The following SRGAP1 variants were observed in gnomAD, a reference collection of about 807,000 sequenced individuals.
The protein encoded by SRGAP1 is SLIT-ROBO Rho GTPase activating protein 1.
SRGAP1 carries 43 observed loss-of-function variants against 121.9 expected under a neutral mutation model. The ratio of observed to expected loss-of-function variants is 0.35; its 90% CI spans 0.28 to 0.46. The LOEUF is 0.46. Among genes scored for constraint, SRGAP1 ranks in the 20% least tolerant of loss-of-function variants. SRGAP1 has a pLI of 1.00. For missense variants in SRGAP1, 1,102 were observed against 1,350.9 expected, an observed-to-expected ratio of 0.82 and a Z score of 2.89; for synonymous variants, 447 against 485.4, an observed-to-expected ratio of 0.92 and a Z score of 1.04.
intron 1 of SRGAP1, among the ~76,000 whole-genome samples, chr12:63,915,241 G>A (rs2030722171): frequency 6.6e-6 from 1 of 152,170 alleles, no homozygotes; most frequent in African/African-American, 2.4e-5. Context: ...AATCAGGTTG[G>A]ACATTTTTAT....
intron 3 of SRGAP1, among the ~76,000 whole-genome samples, chr12:64,000,273 T>TGTGTGG (rs2033842246): frequency 6.8e-6 from 1 of 147,084 alleles, no homozygotes; most frequent in Non-Finnish European, 1.5e-5. Flanking sequence ...TGTGTGTGTG[T>TGTGTGG]GTAAAAAAAA....
At chr12:64,018,791 A>T (rs750969549) in intron 4 of SRGAP1, among the ~76,000 whole-genome samples, 79 of 152,294 alleles carry the variant, frequency 5.2e-4, no homozygotes, top group Non-Finnish European at 9.4e-4. Context: ...ATAAAGGCCA[A>T]TTTCTAGCTC....
chr12:64,121,068 C>T (rs185701492), intron 18 of SRGAP1, among the ~76,000 whole-genome samples: 83 of 142,870 alleles, frequency 5.8e-4, no homozygotes, highest in Non-Finnish European at 9.2e-4. Flanking sequence ...GGCTGGAGTA[C>T]AGTGGCACAA....
intron 1 of SRGAP1, among the ~76,000 whole-genome samples, chr12:63,917,831 G>T (rs2030858395): frequency 6.7e-6 from 1 of 149,390 alleles, no homozygotes; most frequent in African/African-American, 2.4e-5. Flanking sequence ...AATTTCCCAC[G>T]CTAGCTGTGA....
At chr12:64,031,345 A>T (rs2034775645) in intron 4 of SRGAP1, among the ~76,000 whole-genome samples, 1 of 150,962 alleles carries the variant, frequency 6.6e-6, no homozygotes. Flanking sequence ...AATAGCTGCC[A>T]TCTACCCTGA....
intron 9 of SRGAP1, among the ~76,000 whole-genome samples, chr12:64,079,960 A>T (rs1301919646): frequency 6.6e-6 from 1 of 152,114 alleles, no homozygotes; most frequent in Non-Finnish European, 1.5e-5. Context: ...ATTAAAAATT[A>T]GGCTGGGTGC....
At chr12:64,010,727 A>G (rs1315918276) in intron 3 of SRGAP1, among the ~76,000 whole-genome samples, 5 of 152,074 alleles carry the variant, frequency 3.3e-5, no homozygotes, top group African/African-American at 9.7e-5. Flanking sequence ...CAAGTGTGTA[A>G]TAAGGACCAT....
At position 64,126,488 on chromosome 12, in the gene SRGAP1, T is replaced by C. The variant is rs1053777494; in HGVS notation, c.2405+331T>C. 2.6e-5 allele frequency among the ~76,000 whole-genome samples: 4 copies of C among 152,246 alleles called. No individual in the cohort carries two copies. The East Asian group carries it at 5.8e-4, about 22-fold the overall frequency. On this transcript the variant is annotated intron_variant, in intron 19 of 21. Coordinates refer to ENST00000355086, the MANE Select transcript of SRGAP1 (RefSeq NM_020762.4). ...CTTCTCTTGATGTCTGTTTACCGTTTCAATTCCAGATTCCCCAGAGGAAGG... is the reference window on the plus strand; with the variant it reads ...CTTCTCTTGATGTCTGTTTACCGTTCCAATTCCAGATTCCCCAGAGGAAGG...
At chr12:63,889,833 G>A (rs903728679) in intron 1 of SRGAP1, among the ~76,000 whole-genome samples, 3 of 151,956 alleles carry the variant, frequency 2.0e-5, no homozygotes, top group African/African-American at 7.3e-5. Flanking sequence ...ACTTGACCCC[G>A]GGAGGCAGCG....
intron 1 of SRGAP1, among the ~76,000 whole-genome samples, chr12:63,975,821 T>C (rs1240644062): frequency 6.6e-6 from 1 of 152,212 alleles, no homozygotes; most frequent in Non-Finnish European, 1.5e-5. Context: ...GAGTGATTCA[T>C]AAATAATTAT....
chr12:64,090,226 G>A (rs1489983258), intron 11 of SRGAP1, among the ~76,000 whole-genome samples: 3 of 152,172 alleles, frequency 2.0e-5, no homozygotes, highest in Non-Finnish European at 4.4e-5. Flanking sequence ...AGGGCAAGAT[G>A]TCACAGTTTC....
chr12:63,945,607 T>C (rs1395075104), intron 1 of SRGAP1, among the ~76,000 whole-genome samples: 6 of 152,338 alleles, frequency 3.9e-5, no homozygotes, highest in Admixed American at 3.9e-4. Context: ...AACCCCATTG[T>C]TAGTTTAGGG....
Position 64,016,972 on chromosome 12 carries a change from T to G in SRGAP1, c.449T>G (p.Leu150Arg). The part of the protein sequence containing the change: ...FKKSKEIAFQ[L>R]HEDLMKVLNE... ...CAGAGCAAAGAGATTGCATTCCAAC[T>G]TCATGAGGATTTAATGAAGGTTCTT... The change falls in exon 4 of 22, where the codon CTT becomes CGT. Residue 150 changes from leucine (L) to arginine (R), a missense_variant. By Grantham distance (102) the Leu-to-Arg change is moderately radical. Around this residue, in one of 3 missense-constraint regions of SRGAP1, gnomAD observed 747 missense variants for 929.4 expected, o/e 0.80. Coordinates refer to ENST00000355086, the MANE Select transcript of SRGAP1 (RefSeq NM_020762.4). 1 of 1,550,974 alleles carries G rather than the reference T, an allele frequency of 6.4e-7. No individual in the cohort carries two copies. The highest frequency in any genetic ancestry group is 8.9e-7 in the Non-Finnish European group (1 of 1,129,204).
At chr12:63,852,150 G>C (rs1341186384) in intron 1 of SRGAP1, among the ~76,000 whole-genome samples, 1 of 151,840 alleles carries the variant, frequency 6.6e-6, no homozygotes, top group East Asian at 1.9e-4. Context: ...CTGCCATCAC[G>C]CCTGATTTTT....
At chr12:63,895,733 C>T (rs1370934768) in intron 1 of SRGAP1, among the ~76,000 whole-genome samples, 1 of 152,158 alleles carries the variant, frequency 6.6e-6, no homozygotes, top group African/African-American at 2.4e-5. Flanking sequence ...TCCAGTTATA[C>T]CTAAAGTGAT....
At chr12:63,870,467 A>C (rs1433555554) in intron 1 of SRGAP1, among the ~76,000 whole-genome samples, 1 of 151,910 alleles carries the variant, frequency 6.6e-6, no homozygotes, top group Non-Finnish European at 1.5e-5. Flanking sequence ...TCACTGTGTC[A>C]GCTCCTTGTT....
At chr12:64,040,138 T>C (rs1048661549) in intron 4 of SRGAP1, among the ~76,000 whole-genome samples, 31 of 152,238 alleles carry the variant, frequency 2.0e-4, no homozygotes, top group Non-Finnish European at 3.1e-4. Context: ...TGAGAACATG[T>C]GTTAAGTTGA....
chr12:63,882,744 T>A lies in SRGAP1; in HGVS notation c.67+37861T>A, dbSNP rs562017916. ...TTTATTTACAGACTGTTGGTTAAAA[T>A]CAAGTAACTGCTTTGTAAATTAACT... On this transcript the variant is annotated intron_variant, in intron 1 of 21. Coordinates refer to ENST00000355086, the MANE Select transcript of SRGAP1 (RefSeq NM_020762.4). 7.9e-3 allele frequency among the ~76,000 whole-genome samples: 1,199 copies of A among 152,340 alleles called. 20 individuals carry two copies. The highest frequency in any genetic ancestry group is 0.027 in the African/African-American group (1,131 of 41,580).
chr12:64,075,858 C>A (rs2035727723), intron 8 of SRGAP1, among the ~76,000 whole-genome samples: 1 of 151,814 alleles, frequency 6.6e-6, no homozygotes, highest in African/African-American at 2.4e-5. Context: ...CATCACATGA[C>A]CTTCTAAGCA....
Sources: gnomAD v4.1 joint callset for allele counts (sites outside exome capture counted in the v4.1 genomes callset) on GRCh38, gnomAD v4.1.1 for gene constraint, gnomAD v4.1.1 regional missense constraint, MANE v1.5 for transcripts, NCBI Gene and HGNC (gene_info 2026-07-23, HGNC 2026-07-21) for gene names.